Variants in GLIS3 observed in about 807,000 individuals in gnomAD.
The protein encoded by GLIS3 is GLIS family zinc finger 3.
In GLIS3, 53 loss-of-function variants were observed where a neutral mutation model predicts 78.6. That is an observed-to-expected ratio of 0.67 (90% CI 0.54 to 0.85). The LOEUF (loss-of-function observed/expected upper bound fraction) is 0.85. Ranked by LOEUF, GLIS3 falls within the 40% of genes least tolerant of loss-of-function variation. The pLI is 0.00. For synonymous variants in GLIS3, 684 were observed against 509.9 expected (o/e 1.34, Z -4.60); for missense variants, 1,703 against 1,231.1 (o/e 1.38, Z -5.74).
Position 3,826,682 on chromosome 9 carries a change from G to A in GLIS3, c.*1590C>T, listed in dbSNP as rs1057334347. The A allele has an allele frequency of 6.6e-6, 1 of 152,200 alleles. No homozygotes were observed. Among genetic ancestry groups the A allele is most frequent in the Non-Finnish European group, 1.5e-5 (1 of 68,032 alleles). 9.4% of individuals were successfully genotyped at this position (152,200 alleles called of 1,614,324 possible). A position where few individuals can be genotyped will look rare whatever the true frequency, so the allele number is the denominator to read the frequency against. ...TTCCGCTTGTGGGACTGTGGAGGGA[G>A]ACTGGAAGGACCTGTCAGTATACAA... is the stretch of plus-strand genomic sequence containing the variant. On this transcript the variant is annotated 3_prime_UTR_variant, in exon 11 of 11. Transcript: ENST00000381971.
At chr9:4,351,425 G>A (rs192108041), upstream of GLIS3, among the ~76,000 whole-genome samples, 226 of 150,332 alleles carry the variant, frequency 1.5e-3, 1 homozygote, top group African/African-American at 5.0e-3. Flanking sequence ...GGGAGGGTGA[G>A]GAGAAATCTT....
intron 2 of GLIS3, among the ~76,000 whole-genome samples, chr9:4,166,160 G>A (rs1835875969): frequency 6.6e-6 from 1 of 152,174 alleles, no homozygotes; most frequent in African/African-American, 2.4e-5. Flanking sequence ...TGTTCTGAGG[G>A]AAAGTACTTG....
intron 2 of GLIS3, among the ~76,000 whole-genome samples, chr9:4,253,966 G>C (rs1587163517): frequency 6.6e-6 from 1 of 152,134 alleles, no homozygotes; most frequent in Non-Finnish European, 1.5e-5. Flanking sequence ...AATGACATGA[G>C]CCAGGTACCT....
chr9:4,092,502 C>T (rs1022747762), intron 4 of GLIS3, among the ~76,000 whole-genome samples: 14 of 151,974 alleles, frequency 9.2e-5, no homozygotes, highest in Non-Finnish European at 7.4e-5. Context: ...TATTTCCTTT[C>T]TTTATTTCCT....
chr9:4,150,653 T>G (rs1273158248), intron 2 of GLIS3, among the ~76,000 whole-genome samples: 1 of 152,212 alleles, frequency 6.6e-6, no homozygotes, highest in Non-Finnish European at 1.5e-5. Flanking sequence ...TTCAAGGGTT[T>G]CCCTCATAAG....
At chr9:4,298,244 C>G (rs1018463845) in intron 1 of GLIS3, 4 of 306,948 alleles carry the variant, frequency 1.3e-5, no homozygotes, top group Non-Finnish European at 2.6e-5. Context: ...TCCCCCCACG[C>G]CGGCCCCCCG....
At chr9:4,049,666 C>A (rs974827189) in intron 4 of GLIS3, among the ~76,000 whole-genome samples, 6 of 152,136 alleles carry the variant, frequency 3.9e-5, no homozygotes, top group African/African-American at 1.4e-4. Flanking sequence ...AGGCAACCTA[C>A]AGAATGGGAG....
the GLIS3 span, among the ~76,000 whole-genome samples, chr9:4,372,932 C>T: frequency 5.3e-5 from 8 of 152,300 alleles, no homozygotes; most frequent in Admixed American, 3.3e-4. Flanking sequence ...ACAAGGAGAA[C>T]GGCTGATATT....
At chr9:4,221,982 G>A (rs1821367364) in intron 2 of GLIS3, among the ~76,000 whole-genome samples, 1 of 152,222 alleles carries the variant, frequency 6.6e-6, no homozygotes, top group Non-Finnish European at 1.5e-5. Context: ...CCGATCAGCT[G>A]CCTGTGCACA....
chr9:4,478,725 A>G, the GLIS3 span, among the ~76,000 whole-genome samples: 3 of 152,204 alleles, frequency 2.0e-5, no homozygotes. Flanking sequence ...TATAAAATCT[A>G]TTTAGGGTAA....
chr9:4,247,921 A>G (rs75385796), intron 2 of GLIS3, among the ~76,000 whole-genome samples: 1 of 152,118 alleles, frequency 6.6e-6, no homozygotes, highest in African/African-American at 2.4e-5. Flanking sequence ...AATTACTCTC[A>G]GTTATTTTGA....
intron 2 of GLIS3, among the ~76,000 whole-genome samples, chr9:4,260,548 CTGAG>C (rs1432632272): frequency 3.5e-5 from 5 of 141,290 alleles, no homozygotes; most frequent in Non-Finnish European, 7.6e-5. Flanking sequence ...GCCTGGGCAA[CTGAG>C]TGAGACTCTG....
intron 7 of GLIS3, among the ~76,000 whole-genome samples, chr9:3,885,914 A>G (rs1015705630): frequency 3.9e-5 from 6 of 152,232 alleles, no homozygotes; most frequent in South Asian, 4.1e-4. Context: ...ATTAATAGCA[A>G]TGTGTCTAGG....
intron 2 of GLIS3, among the ~76,000 whole-genome samples, chr9:4,339,945 C>T (rs1407431676): frequency 6.9e-6 from 1 of 145,022 alleles, no homozygotes; most frequent in Non-Finnish European, 1.5e-5. Flanking sequence ...TGGGTAGTTT[C>T]CTAGAGTGAA....
At chr9:3,853,541 A>C (rs1054834611) in intron 9 of GLIS3, among the ~76,000 whole-genome samples, 11 of 152,366 alleles carry the variant, frequency 7.2e-5, no homozygotes, top group African/African-American at 2.6e-4. Flanking sequence ...CATTAAATTA[A>C]TTAAGCTCCT....
chr9:3,908,645 C>G (rs551270065), intron 6 of GLIS3, among the ~76,000 whole-genome samples: 57 of 149,240 alleles, frequency 3.8e-4, no homozygotes, highest in Non-Finnish European at 5.0e-4. Flanking sequence ...GCTTCCCTAA[C>G]AATGCGGGGA....
intron 2 of GLIS3, among the ~76,000 whole-genome samples, chr9:4,140,850 G>A (rs1278779125): frequency 6.6e-6 from 1 of 150,778 alleles, no homozygotes; most frequent in Non-Finnish European, 1.5e-5. Context: ...CCAGATTGGA[G>A]TGCAGTGGCA....
At chr9:4,232,024 G>A (rs1822295843) in intron 2 of GLIS3, among the ~76,000 whole-genome samples, 1 of 152,154 alleles carries the variant, frequency 6.6e-6, no homozygotes, top group Non-Finnish European at 1.5e-5. Flanking sequence ...ATTTAGCTTT[G>A]TATAGGATTT....
intron 4 of GLIS3, among the ~76,000 whole-genome samples, chr9:4,042,035 A>G (rs563253851): frequency 6.6e-6 from 1 of 152,348 alleles, no homozygotes; most frequent in Admixed American, 6.5e-5. Flanking sequence ...GAACCTCTCA[A>G]GAGAGCAACT....
Sources: gnomAD v4.1 joint callset for allele counts (sites outside exome capture counted in the v4.1 genomes callset) on GRCh38, gnomAD v4.1.1 for gene constraint, MANE v1.5 for transcripts, NCBI Gene and HGNC (gene_info 2026-07-23, HGNC 2026-07-21) for gene names.